DYNC2H1: variants seen among roughly 807,000 people sequenced by gnomAD.
The protein encoded by DYNC2H1 is dynein cytoplasmic 2 heavy chain 1.
A neutral mutation model predicts 570.0 loss-of-function variants in DYNC2H1; 410 were observed. The ratio of observed to expected loss-of-function variants is 0.72; its 90% CI spans 0.66 to 0.78. The LOEUF (loss-of-function observed/expected upper bound fraction) is 0.78. Among genes scored for constraint, DYNC2H1 ranks in the 30% least tolerant of loss-of-function variants. DYNC2H1 has a pLI of 0.00. For synonymous variants in DYNC2H1, 1,688 were observed against 1,677.6 expected (o/e 1.01, Z -0.15); for missense variants, 4,865 against 5,046.4 (o/e 0.96, Z 1.09).
chr11:103,207,547 C>T (rs769616595), intron 52 of DYNC2H1, among the ~76,000 whole-genome samples: 1 of 151,518 alleles, frequency 6.6e-6, no homozygotes, highest in Non-Finnish European at 1.5e-5. Flanking sequence ...ATTTTCTTAG[C>T]GAAATAGGAA....
rs748838713 is a variant in DYNC2H1 at position 103,113,558 on chromosome 11, G to A, written c.217G>A (p.Asp73Asn). The A allele has an allele frequency of 5.1e-6, 8 of 1,567,620 alleles. No homozygotes were observed. The highest frequency in any genetic ancestry group is 5.2e-6 in the Non-Finnish European group (6 of 1,162,900). The change falls in exon 2 of 89, where the codon GAT becomes AAT. Residue 73 changes from aspartate to asparagine, a missense_variant. Transcript: ENST00000375735. ...SNTIEFGDTK[D>N]KVLVFFKLRP... ...TTAGATTGAGTTTGGTGACACAAAAGATAAAGTGCTGGTGTTTTTCAAGCT... is the reference window on the plus strand; with the variant it reads ...TTAGATTGAGTTTGGTGACACAAAAAATAAAGTGCTGGTGTTTTTCAAGCT...
Position 103,181,653 on chromosome 11 carries a change from A to G in DYNC2H1, c.6348-104A>G, listed in dbSNP as rs557551016. 3 of 1,258,318 alleles carry G rather than the reference A, an allele frequency of 2.4e-6. No individual in the cohort carries two copies. The East Asian group carries it at 7.8e-5, about 33-fold the overall frequency. 77.9% of individuals were successfully genotyped at this position (1,258,318 alleles called of 1,614,324 possible). A position where few individuals can be genotyped will look rare whatever the true frequency, so the allele number is the denominator to read the frequency against. ...AAAGCCACCTTTTGTATGCTAGCAG[A>G]CAAAATATGTGCGTAGAATAATGTT... On this transcript the variant is annotated intron_variant, in intron 39 of 88. Transcript: ENST00000375735. The surrounding 1 kb of genome is among the most constrained non-coding windows in gnomAD (Gnocchi z 5.0).
chr11:103,265,211 G>A (rs984790040), intron 70 of DYNC2H1, among the ~76,000 whole-genome samples: 13 of 152,036 alleles, frequency 8.6e-5, no homozygotes, highest in Non-Finnish European at 1.8e-4. Context: ...GAGCCTGTTG[G>A]GGGGTGCGGT....
chr11:103,176,171 A>G (rs1861799096), intron 36 of DYNC2H1, 64 bp from the exon 37 acceptor site: 5 of 1,284,546 alleles, frequency 3.9e-6, no homozygotes, highest in Non-Finnish European at 5.2e-6. Flanking sequence ...GCTATAGAAT[A>G]TTTAAAAACT....
At chr11:103,320,460 C>T (rs1197242108) in intron 80 of DYNC2H1, among the ~76,000 whole-genome samples, 2 of 152,116 alleles carry the variant, frequency 1.3e-5, no homozygotes, top group African/African-American at 4.8e-5. Flanking sequence ...TTACATTTCT[C>T]TTCTATTAAA....
In DYNC2H1 at chr11:103,220,774, G is replaced by A. The variant is rs1460525879; in HGVS notation, c.9098G>A (p.Ser3033Asn). Residue 3033 changes from serine (S) to asparagine (N), a missense_variant, in exon 57 of 89, where the codon AGC becomes AAC. Physicochemically the swap from Ser to Asn is conservative, Grantham distance 46. Coordinates refer to ENST00000375735, the MANE Select transcript of DYNC2H1 (RefSeq NM_001377.3). Reference protein sequence around the residue: ...LMGIFDTSWVSMKSFLAKRGV... With the variant: ...LMGIFDTSWVNMKSFLAKRGV... Reference sequence around the variant, plus strand: ...GGTATCTTTGATACATCTTGGGTGAGCATGAAAAGGTACATTTTTCAATTT... The same window carrying A: ...GGTATCTTTGATACATCTTGGGTGAACATGAAAAGGTACATTTTTCAATTT... 6.2e-7 allele frequency: 1 copy of A among 1,600,816 alleles called. No individual in the cohort carries two copies. The highest frequency in any genetic ancestry group is 1.7e-5 in the Admixed American group (1 of 57,706).
intron 80 of DYNC2H1, among the ~76,000 whole-genome samples, chr11:103,320,475 A>G (rs1393061898): frequency 6.6e-6 from 1 of 152,224 alleles, no homozygotes. Flanking sequence ...ATTAAAATAG[A>G]AAGTGGATAG....
chr11:103,146,597 TG>T (rs1427728223), intron 18 of DYNC2H1, among the ~76,000 whole-genome samples: 4 of 152,164 alleles, frequency 2.6e-5, no homozygotes, highest in Admixed American at 1.3e-4. Context: ...TCCTGCTATT[TG>T]TTTTTTTGTT....
In DYNC2H1 at chr11:103,157,717, C is replaced by G. The variant is rs1030756477; in HGVS notation, c.4127+947C>G. Among the ~76,000 whole-genome samples the G allele has an allele frequency of 2.6e-5, 4 of 152,174 alleles. No individual in the cohort carries two copies. The highest frequency in any genetic ancestry group is 9.7e-5 in the African/African-American group (4 of 41,446). On this transcript the variant is annotated intron_variant, in intron 26 of 88. Transcript: ENST00000375735. The surrounding 1 kb of genome is among the most constrained non-coding windows in gnomAD (Gnocchi z 4.2). ...TAATATAAGTTTTTCACACAACAGC[C>G]AGAGTAATTGTTTAAAAATGCAGGT...
intron 17 of DYNC2H1, among the ~76,000 whole-genome samples, chr11:103,138,771 T>C (rs1292743507): frequency 6.6e-6 from 1 of 152,214 alleles, no homozygotes; most frequent in Non-Finnish European, 1.5e-5. Context: ...TTGATTGGAA[T>C]AGTTTCAGAA....
At chr11:103,399,579 A>G (rs1942551104) in intron 83 of DYNC2H1, 84 bp from the exon 84 acceptor site, 1 of 941,884 alleles carries the variant, frequency 1.1e-6, no homozygotes, top group Non-Finnish European at 1.6e-6. Flanking sequence ...GAATAGAACA[A>G]AAGGTTTAAA....
rs548638992 is a variant in DYNC2H1 at position 103,117,919 on chromosome 11, G to T, written c.999+56G>T. Reference sequence around the variant, plus strand: ...TTAAATGTAAAGTGTATCTTCACTTGTTTGTAAATGTATTTTATAATCAAT... The same window carrying T: ...TTAAATGTAAAGTGTATCTTCACTTTTTTGTAAATGTATTTTATAATCAAT... On this transcript the variant is annotated intron_variant, in intron 6 of 88. Transcript: ENST00000375735. 1.3e-4 allele frequency: 173 copies of T among 1,376,368 alleles called. No individual in the cohort carries two copies. In the Middle Eastern group the frequency reaches 4.3e-3, roughly 34 times the overall value. The allele number at this position is 1,376,368 out of a possible 1,614,324, so 85.3% of individuals were successfully genotyped here.
intron 83 of DYNC2H1, among the ~76,000 whole-genome samples, chr11:103,392,031 C>T (rs1194305351): frequency 1.3e-5 from 2 of 152,236 alleles, no homozygotes; most frequent in African/African-American, 4.8e-5. Context: ...AGCTGTCAGA[C>T]AGGGACATTT....
chr11:103,115,236 A>G lies in DYNC2H1; in HGVS notation c.562A>G (p.Lys188Glu). 1.2e-6 allele frequency: 2 copies of G among 1,610,178 alleles called. No homozygotes were observed. The highest frequency in any genetic ancestry group is 1.7e-6 in the Non-Finnish European group (2 of 1,178,110). Residue 188 changes from lysine to glutamate, a missense_variant, in exon 4 of 89, where the codon AAA (lysine) becomes GAA (glutamate). By Grantham distance (56) the Lys-to-Glu change is moderately conservative. Coordinates refer to ENST00000375735, the MANE Select transcript of DYNC2H1 (RefSeq NM_001377.3). Reference sequence around the variant, plus strand: ...GATAGAACAAGCTCACCGTGGAAATAAACAGATTAGTAAAGAAAGAGCCAA... The same window carrying G: ...GATAGAACAAGCTCACCGTGGAAATGAACAGATTAGTAAAGAAAGAGCCAA... The part of the protein sequence containing the change: ...FWIEQAHRGN[K>E]QISKERANYF...
rs1863046898 is a variant in DYNC2H1, at chr11:103,209,045, C to T, written c.8455-831C>T. Among the ~76,000 whole-genome samples the T allele has an allele frequency of 6.6e-6, 1 of 152,088 alleles. No individual in the cohort carries two copies. Among genetic ancestry groups the T allele is most frequent in the South Asian group, 2.1e-4 (1 of 4,830 alleles). On this transcript the variant is annotated intron_variant, in intron 52 of 88. Transcript: ENST00000375735. The surrounding 1 kb of genome is among the most constrained non-coding windows in gnomAD (Gnocchi z 4.2). ...TGTCAGAAATCAGTGAAGGCATACTCTCTGTCACAAGAATTATGGTACATT... is the reference window on the plus strand; with the variant it reads ...TGTCAGAAATCAGTGAAGGCATACTTTCTGTCACAAGAATTATGGTACATT...
At chr11:103,375,421 C>T (rs1941353010) in intron 83 of DYNC2H1, among the ~76,000 whole-genome samples, 1 of 152,138 alleles carries the variant, frequency 6.6e-6, no homozygotes. Context: ...CCTCCAGACC[C>T]CAGAATGGTA....
chr11:103,301,119 T>C (rs981385594), intron 75 of DYNC2H1, among the ~76,000 whole-genome samples: 3 of 151,932 alleles, frequency 2.0e-5, no homozygotes, highest in Non-Finnish European at 2.9e-5. Context: ...TATGGAATTA[T>C]TGCCAAATCT....
chr11:103,211,800 T>A lies in DYNC2H1; in HGVS notation c.8551T>A (p.Phe2851Ile), dbSNP rs1330378491. The part of the protein sequence containing the change: ...EKKKNSVDPD[F>I]LKSFLLIHES... ...CTATTTTTTTCTAGTTGATCCTGAT[T>A]TTCTAAAATCATTTTTATTAATCCA... is the stretch of plus-strand genomic sequence containing the variant. The change falls in exon 54 of 89, where the codon TTT (phenylalanine) becomes ATT (isoleucine). Residue 2851 changes from phenylalanine (F) to isoleucine (I), a missense_variant. Coordinates refer to ENST00000375735, the MANE Select transcript of DYNC2H1 (RefSeq NM_001377.3). The A allele has an allele frequency of 2.2e-6, 3 of 1,356,800 alleles. No homozygotes were observed. The highest frequency in any genetic ancestry group is 2.9e-6 in the Non-Finnish European group (3 of 1,025,078). 84.0% of individuals were successfully genotyped at this position (1,356,800 alleles called of 1,614,324 possible).
At chr11:103,340,287 AT>A (rs375457698) in intron 82 of DYNC2H1, among the ~76,000 whole-genome samples, 35 of 151,502 alleles carry the variant, frequency 2.3e-4, no homozygotes, top group African/African-American at 6.5e-4. Flanking sequence ...ACAAACATGT[AT>A]TTTTTTTTCT....
Sources: allele counts gnomAD v4.1 joint callset (sites outside exome capture counted in the v4.1 genomes callset), GRCh38; gene constraint gnomAD v4.1.1; non-coding constraint Gnocchi (gnomAD v3.1); transcripts MANE v1.5; gene names NCBI Gene and HGNC (gene_info 2026-07-23, HGNC 2026-07-21).